OXR1: variants seen among roughly 807,000 people sequenced by gnomAD.
OXR1 encodes oxidation resistance protein 1.
A neutral mutation model predicts 104.6 loss-of-function variants in OXR1; 41 were observed. The observed-to-expected ratio is 0.39, with a 90% confidence interval of 0.31 to 0.51. OXR1 has a LOEUF of 0.51. Ranked by LOEUF, OXR1 falls within the 20% of genes least tolerant of loss-of-function variation. OXR1 has a pLI of 0.77. For missense variants in OXR1, 955 were observed against 1,031.9 expected (o/e 0.93, Z 1.02); for synonymous variants, 348 against 348.4 (o/e 1.00, Z 0.01).
chr8:106,562,557 A>T (rs988042763), intron 3 of OXR1, among the ~76,000 whole-genome samples: 1 of 152,214 alleles, frequency 6.6e-6, no homozygotes, highest in Admixed American at 6.5e-5. Context: ...TCAGGATATT[A>T]TCCAGGAGAA....
intron 1 of OXR1, among the ~76,000 whole-genome samples, chr8:106,336,396 G>A (rs2174176): frequency 0.31 from 47,896 of 152,082 alleles, 10,056 homozygotes; most frequent in African/African-American, 0.6. Context: ...TGTTCCATCA[G>A]GGTACCCTGG....
intron 2 of OXR1, among the ~76,000 whole-genome samples, chr8:106,471,220 G>A (rs1250816914): frequency 6.6e-6 from 1 of 151,584 alleles, no homozygotes; most frequent in African/African-American, 2.4e-5. Context: ...AATTATTAGA[G>A]CAATGGGCTT....
At position 106,327,656 on chromosome 8, in the gene OXR1, A is replaced by G. The variant is rs371910387; in HGVS notation, c.-138-31820A>G. 1.2e-4 allele frequency among the ~76,000 whole-genome samples: 18 copies of G among 152,276 alleles called. No homozygotes were observed. The East Asian group carries it at 3.3e-3, about 28-fold the overall frequency. On this transcript the variant is annotated intron_variant, in intron 1 of 16. Transcript: ENST00000517566. The stretch of plus-strand genomic sequence containing the variant: ...TAATGTTTTTATACTTGTGAAAAAA[A>G]ATCTCTTTTGGTCTGTTTTGTCATT...
At chr8:106,556,403 ATCT>A in intron 3 of OXR1, among the ~76,000 whole-genome samples, 1 of 152,304 alleles carries the variant, frequency 6.6e-6, no homozygotes, top group Admixed American at 6.5e-5. Context: ...CAAGGAAAGC[ATCT>A]CCAAGGAAAT....
intron 10 of OXR1, among the ~76,000 whole-genome samples, chr8:106,711,876 A>G (rs889295583): frequency 1.3e-5 from 2 of 152,178 alleles, no homozygotes; most frequent in African/African-American, 4.8e-5. Flanking sequence ...AGACAGTAAG[A>G]TACTATCTCT....
intron 3 of OXR1, among the ~76,000 whole-genome samples, chr8:106,644,605 C>G (rs116388203): frequency 2.0e-5 from 3 of 152,186 alleles, no homozygotes; most frequent in Admixed American, 6.5e-5. Context: ...CTGTGCACAT[C>G]ATATCCTTAG....
chr8:106,582,254 T>G (rs1473554842), intron 3 of OXR1, among the ~76,000 whole-genome samples: 1 of 144,662 alleles, frequency 6.9e-6, no homozygotes, highest in Non-Finnish European at 1.5e-5. Flanking sequence ...AAATTCAAAA[T>G]CCAGGGCAGC....
intron 3 of OXR1, among the ~76,000 whole-genome samples, chr8:106,566,864 A>G (rs1265934710): frequency 1.3e-5 from 2 of 152,170 alleles, no homozygotes; most frequent in Non-Finnish European, 1.5e-5. Context: ...CTAACACAGG[A>G]ACAGAAAATC....
chr8:106,306,500 T>C (rs1813470186), intron 1 of OXR1, among the ~76,000 whole-genome samples: 1 of 150,274 alleles, frequency 6.7e-6, no homozygotes, highest in South Asian at 2.2e-4. Context: ...ACAGCAGTTT[T>C]AATTGTAATA....
rs6150748 is a variant in OXR1 at position 106,420,730 on chromosome 8, T to TTGTGTGTGTGTG, written c.23+61112_23+61123dup. Among the ~76,000 whole-genome samples the TTGTGTGTGTGTG allele has an allele frequency of 1.2e-3, 180 of 147,284 alleles. 1 individual carries two copies. The highest frequency in any genetic ancestry group is 3.9e-3 in the African/African-American group (155 of 40,044). On this transcript the variant is annotated intron_variant, in intron 2 of 16. Coordinates refer to ENST00000517566, the MANE Select transcript of OXR1 (RefSeq NM_001198533.2). ...CATGCTCTGACAATGCATTAAAATA[T>TTGTGTGTGTGTG]TGTGTGTGTGTGTGTGTGTGTGTGT...
chr8:106,718,921 A>G (rs1194966304), intron 11 of OXR1, among the ~76,000 whole-genome samples: 2 of 152,098 alleles, frequency 1.3e-5, no homozygotes, highest in East Asian at 3.9e-4. Flanking sequence ...TTAAACAATC[A>G]AGGCACAAAA....
chr8:106,622,884 C>T (rs1048551923), intron 3 of OXR1, among the ~76,000 whole-genome samples: 1 of 152,164 alleles, frequency 6.6e-6, no homozygotes, highest in Admixed American at 6.6e-5. Context: ...AAGAGCAGGG[C>T]CTAATACGTA....
intron 2 of OXR1, among the ~76,000 whole-genome samples, chr8:106,423,565 C>T (rs1818987811): frequency 6.6e-6 from 1 of 152,172 alleles, no homozygotes; most frequent in Admixed American, 6.5e-5. Flanking sequence ...TTCTCTCAGC[C>T]TCTGTTCTGC....
intron 3 of OXR1, among the ~76,000 whole-genome samples, chr8:106,653,081 A>ATTAT (rs374747254): frequency 8.2e-6 from 1 of 121,718 alleles, no homozygotes; most frequent in East Asian, 2.3e-4. Context: ...GAAAAAAAAA[A>ATTAT]AAATATATAT....
chr8:106,471,608 T>A (rs977282864), intron 2 of OXR1, among the ~76,000 whole-genome samples: 3 of 151,912 alleles, frequency 2.0e-5, no homozygotes, highest in African/African-American at 7.2e-5. Flanking sequence ...GATTGCATTC[T>A]AGATTGTTCC....
At chr8:106,422,171 C>T (rs551299006) in intron 2 of OXR1, among the ~76,000 whole-genome samples, 14 of 152,236 alleles carry the variant, frequency 9.2e-5, no homozygotes, top group East Asian at 1.9e-4. Context: ...CATAGGACAT[C>T]GCAGTGGAGA....
At chr8:106,488,032 C>T (rs1435221972) in intron 2 of OXR1, among the ~76,000 whole-genome samples, 2 of 147,128 alleles carry the variant, frequency 1.4e-5, no homozygotes, top group African/African-American at 5.1e-5. Flanking sequence ...AGTTTACAGT[C>T]CCACCAACAG....
intron 2 of OXR1, among the ~76,000 whole-genome samples, chr8:106,452,820 C>A (rs950060888): frequency 6.0e-5 from 9 of 150,830 alleles, no homozygotes; most frequent in African/African-American, 2.2e-4. Flanking sequence ...ATTTTAAGGG[C>A]CTTTTTAAAA....
intron 3 of OXR1, among the ~76,000 whole-genome samples, chr8:106,643,432 GA>G (rs920132232): frequency 3.0e-4 from 29 of 96,294 alleles, no homozygotes; most frequent in African/African-American, 1.6e-3. Context: ...GGAATCAATA[GA>G]ATTTTTTTTT....
Sources: gnomAD v4.1 joint callset for allele counts (sites outside exome capture counted in the v4.1 genomes callset) on GRCh38, gnomAD v4.1.1 for gene constraint, MANE v1.5 for transcripts, NCBI Gene and HGNC (gene_info 2026-07-23, HGNC 2026-07-21) for gene names.